Variants in PTCD1 observed in about 807,000 individuals in gnomAD.
PTCD1 encodes the protein pentatricopeptide repeat domain 1.
PTCD1 carries 50 observed loss-of-function variants against 53.4 expected under a neutral mutation model. The ratio of observed to expected loss-of-function variants is 0.94; its 90% CI spans 0.75 to 1.19. PTCD1 has a LOEUF of 1.19. PTCD1 is among the 50% of genes most tolerant of loss of function. The pLI is 0.00. For synonymous variants in PTCD1, 413 were observed against 394.8 expected (o/e 1.05, Z -0.55); for missense variants, 918 against 904.8 (o/e 1.01, Z -0.19).
intron 4 of PTCD1, 49 bp downstream of exon 4, chr7:99,429,539 C>T (rs760724222): frequency 1.7e-5 from 27 of 1,613,282 alleles, no homozygotes; most frequent in African/African-American, 5.3e-5. Context: ...GCCCCTGACA[C>T]GTGGGACCAG....
intron 1 of PTCD1, among the ~76,000 whole-genome samples, chr7:99,438,228 C>T (rs1002211235): frequency 6.6e-6 from 1 of 152,022 alleles, no homozygotes; most frequent in African/African-American, 2.4e-5. Flanking sequence ...GCCAGGAGTT[C>T]GAGACCAGCC....
Position 99,419,451 on chromosome 7 carries a change from G to C in PTCD1, c.*516C>G, listed in dbSNP as rs563436821. On this transcript the variant is annotated 3_prime_UTR_variant, in exon 8 of 8. Transcript: ENST00000292478. ...TGGCTGCTCTGGCTGAGGCTGGCGCGCTCCACCCTGGACTCTGGACTTCGC... is the reference window on the plus strand; with the variant it reads ...TGGCTGCTCTGGCTGAGGCTGGCGCCCTCCACCCTGGACTCTGGACTTCGC... 1.2e-6 allele frequency: 2 copies of C among 1,610,154 alleles called. No homozygotes were observed. Among genetic ancestry groups the C allele is most frequent in the East Asian group, 4.5e-5 (2 of 44,892 alleles).
intron 2 of PTCD1, 140 bp from the exon 3 acceptor site, chr7:99,433,558 C>A: frequency 2.0e-6 from 3 of 1,534,556 alleles, no homozygotes; most frequent in Non-Finnish European, 2.6e-6. Flanking sequence ...CCTGGGCCCC[C>A]AGCTGTTTCT....
At chr7:99,434,206 GA>G (rs747793084) in intron 2 of PTCD1, among the ~76,000 whole-genome samples, 145 of 152,122 alleles carry the variant, frequency 9.5e-4, no homozygotes, top group Non-Finnish European at 1.5e-3. Flanking sequence ...AGCATTTCGG[GA>G]GACCAAGGCG....
In PTCD1 at chr7:99,419,468, G is replaced by A. The variant is rs1795698321; in HGVS notation, c.*499C>T. ...GCTGGCGCGCTCCACCCTGGACTCT[G>A]GACTTCGCAGGTTCCTGCCTGTCAC... On this transcript the variant is annotated 3_prime_UTR_variant, in exon 8 of 8. Transcript: ENST00000292478. 6.2e-7 allele frequency: 1 copy of A among 1,608,776 alleles called. No homozygotes were observed.
In PTCD1 at chr7:99,434,889, T is replaced by A. The variant is rs775926369; in HGVS notation, c.354A>T (p.Arg118Ser). ...QFHNLRFGER[R>S]DEQMEPEPKL... ...TGGGCTCCGGTTCCATTTGCTCATC[T>A]CTCCGTTCCCCAAACCGCAGGTTAT... Residue 118 changes from arginine to serine, a missense_variant, in exon 2 of 8, where the codon AGA becomes AGT. Transcript: ENST00000292478. The A allele has an allele frequency of 6.2e-7, 1 of 1,614,156 alleles. No homozygotes were observed. Among genetic ancestry groups the A allele is most frequent in the South Asian group, 1.1e-5 (1 of 91,084 alleles).
chr7:99,418,087 C>A lies in PTCD1; in HGVS notation c.*1880G>T. ...GGTTCAAGCGGTTCTCCTGCCTCAT[C>A]CTCCTGAGTAGCTGGGACTACAGGC... On this transcript the variant is annotated 3_prime_UTR_variant, in exon 8 of 8. Coordinates refer to ENST00000292478, the MANE Select transcript of PTCD1 (RefSeq NM_015545.4). The A allele has an allele frequency of 2.9e-6, 2 of 696,606 alleles. No homozygotes were observed. The highest frequency in any genetic ancestry group is 3.7e-6 in the Non-Finnish European group (2 of 537,186). 43.2% of individuals were successfully genotyped at this position (696,606 alleles called of 1,614,324 possible). A position where few individuals can be genotyped will look rare whatever the true frequency, so the allele number is the denominator to read the frequency against.
At chr7:99,423,993 G>A (rs753481422) in intron 6 of PTCD1, 36 bp from the exon 7 acceptor site, 10 of 1,606,374 alleles carry the variant, frequency 6.2e-6, no homozygotes, top group Non-Finnish European at 5.1e-6. Flanking sequence ...CAAGATGATG[G>A]CAGCCATTGG....
Position 99,429,665 on chromosome 7 carries a change from T to C in PTCD1, c.736A>G (p.Asn246Asp). The change falls in exon 4 of 8, where the codon AAC becomes GAC. Residue 246 changes from asparagine to aspartate, a missense_variant. Physicochemically the swap from Asn to Asp is conservative, Grantham distance 23. Transcript: ENST00000292478. ...QQLQAKNFEL[N>D]LKTYHALLKM... ...AGCAGCGCGTGGTATGTTTTCAAGT[T>C]GAGCTCGAAGTTTTTGGCCTGCAGC... 6.2e-7 allele frequency: 1 copy of C among 1,614,202 alleles called. No individual in the cohort carries two copies.
intron 5 of PTCD1, among the ~76,000 whole-genome samples, chr7:99,426,012 C>T (rs899637647): frequency 6.6e-5 from 10 of 152,132 alleles, no homozygotes; most frequent in African/African-American, 2.4e-4. Flanking sequence ...TTGCAGTGAG[C>T]CGTGATCATG....
intron 1 of PTCD1, among the ~76,000 whole-genome samples, chr7:99,436,263 T>A (rs1796462400): frequency 6.6e-6 from 1 of 151,880 alleles, no homozygotes. Flanking sequence ...TAGAGTCTGG[T>A]TATATTAGAA....
In PTCD1 at chr7:99,434,937, G is replaced by A; in HGVS notation, c.306C>T (p.Phe102=). ...TATGGAACTGGGCTGCGGATTTGCG[G>A]AATAGTCTCCGGGAGGAGTATTTGT... The part of the protein sequence containing the change: ...LSDKYSSRRL[F]RKSAAQFHNL... Residue 102 remains phenylalanine, a synonymous_variant, in exon 2 of 8, where the codon TTC becomes TTT. Transcript: ENST00000292478. 1 of 1,614,260 alleles carries A rather than the reference G, an allele frequency of 6.2e-7. No homozygotes were observed. Among genetic ancestry groups the A allele is most frequent in the Non-Finnish European group, 8.5e-7 (1 of 1,180,052 alleles).
At position 99,433,349 on chromosome 7, in the gene PTCD1, T is replaced by G; in HGVS notation, c.523A>C (p.Asn175His). ...CAGCCCCCAATCAGCACCGTGTAGT[T>G]GCTCTCCATGGGCTGCAATCGCTCC... is the stretch of plus-strand genomic sequence containing the variant. Reference protein sequence around the residue: ...KEERLQPMESNYTVLIGGCGR... With the variant: ...KEERLQPMESHYTVLIGGCGR... The change falls in exon 3 of 8, where the codon AAC becomes CAC. Residue 175 changes from asparagine (N) to histidine (H), a missense_variant. Asn to His is a moderately conservative substitution (Grantham distance 68). Transcript: ENST00000292478. The G allele has an allele frequency of 6.2e-7, 1 of 1,614,178 alleles. No homozygotes were observed. The highest frequency in any genetic ancestry group is 8.5e-7 in the Non-Finnish European group (1 of 1,180,032).
rs558437260 is a variant in PTCD1 at position 99,435,732 on chromosome 7, G to T, written c.-26-464C>A. Among the ~76,000 whole-genome samples the T allele has an allele frequency of 7.9e-5, 12 of 151,976 alleles. No individual in the cohort carries two copies. The South Asian group carries it at 2.5e-3, about 32-fold the overall frequency. On this transcript the variant is annotated intron_variant, in intron 1 of 7. Coordinates refer to ENST00000292478, the MANE Select transcript of PTCD1 (RefSeq NM_015545.4). ...GCACTTTGGGAGGCCGAGGCGGGCA[G>T]ATCAGTTCAAGACCAGCCTGGCGAC...
intron 7 of PTCD1, among the ~76,000 whole-genome samples, chr7:99,422,371 G>A (rs1045448390): frequency 2.6e-5 from 4 of 152,262 alleles, no homozygotes; most frequent in African/African-American, 7.2e-5. Context: ...TCGATGCTCC[G>A]GAGATGCTCA....
chr7:99,432,995 G>C, intron 3 of PTCD1: 1 of 509,996 alleles, frequency 2.0e-6, no homozygotes, highest in South Asian at 2.0e-5. Flanking sequence ...GCTGCAGTGA[G>C]CTATGACTGC....
intron 2 of PTCD1, among the ~76,000 whole-genome samples, chr7:99,434,120 GTA>G (rs1796363680): frequency 6.6e-6 from 1 of 151,328 alleles, no homozygotes; most frequent in Non-Finnish European, 1.5e-5. Context: ...AAGACACACA[GTA>G]TATCAAGTGA....
chr7:99,422,155 C>T (rs1036817817), intron 7 of PTCD1, among the ~76,000 whole-genome samples: 1 of 152,192 alleles, frequency 6.6e-6, no homozygotes, highest in Non-Finnish European at 1.5e-5. Flanking sequence ...GTTCAAAGCA[C>T]AGACACAGTT....
intron 1 of PTCD1, among the ~76,000 whole-genome samples, chr7:99,436,194 C>T (rs1321903187): frequency 6.6e-6 from 1 of 152,064 alleles, no homozygotes; most frequent in Admixed American, 6.5e-5. Flanking sequence ...CCTCTCGCCT[C>T]GACCTCCCAA....
Sources: gnomAD v4.1 joint callset for allele counts (sites outside exome capture counted in the v4.1 genomes callset) on GRCh38, gnomAD v4.1.1 for gene constraint, MANE v1.5 for transcripts, NCBI Gene and HGNC (gene_info 2026-07-23, HGNC 2026-07-21) for gene names.